Variants in ADCY5 observed in about 807,000 individuals in gnomAD.
The protein encoded by ADCY5 is adenylate cyclase 5, also known as adenylate cyclase type 5.
A neutral mutation model predicts 119.7 loss-of-function variants in ADCY5; 30 were observed. That is an observed-to-expected ratio of 0.25 (90% CI 0.19 to 0.34). ADCY5 has a LOEUF of 0.34. Ranked by LOEUF, ADCY5 falls within the 10% of genes least tolerant of loss-of-function variation. The probability of loss-of-function intolerance (pLI) is 1.00; values close to 1 mark genes in which losing one functional copy is unlikely to be tolerated. For synonymous variants in ADCY5, 753 were observed against 762.2 expected (o/e 0.99, Z 0.20); for missense variants, 1,324 against 1,775.2 (o/e 0.75, Z 4.57).
intron 14 of ADCY5, among the ~76,000 whole-genome samples, chr3:123,301,217 G>A (rs1939828447): frequency 6.6e-6 from 1 of 152,150 alleles, no homozygotes; most frequent in Non-Finnish European, 1.5e-5. Flanking sequence ...CGTTGTTTCT[G>A]AGTCAGGCTT....
At chr3:123,350,837 A>G (rs1043682039) in intron 2 of ADCY5, among the ~76,000 whole-genome samples, 4 of 152,288 alleles carry the variant, frequency 2.6e-5, no homozygotes, top group African/African-American at 9.6e-5. Context: ...ATTCCCCTGG[A>G]GAAGTGAGAG....
intron 17 of ADCY5, among the ~76,000 whole-genome samples, chr3:123,293,111 G>A (rs1038919012): frequency 1.3e-5 from 2 of 152,250 alleles, no homozygotes; most frequent in Admixed American, 6.5e-5. Context: ...AGGGCAGGAA[G>A]GTTCGGGGGG....
At chr3:123,386,990 T>TG (rs1000437314) in intron 1 of ADCY5, among the ~76,000 whole-genome samples, 2 of 152,206 alleles carry the variant, frequency 1.3e-5, no homozygotes, top group African/African-American at 4.8e-5. Context: ...AAGAAAGTGC[T>TG]GGACCTTCAA....
intron 1 of ADCY5, among the ~76,000 whole-genome samples, chr3:123,410,620 G>A (rs1269179622): frequency 3.3e-5 from 5 of 152,180 alleles, no homozygotes; most frequent in African/African-American, 4.8e-5. Flanking sequence ...AACAATGGCA[G>A]CTCTTAGATT....
At chr3:123,344,242 A>G (rs943052429) in intron 3 of ADCY5, among the ~76,000 whole-genome samples, 1 of 152,202 alleles carries the variant, frequency 6.6e-6, no homozygotes, top group Non-Finnish European at 1.5e-5. Context: ...CAGTGGGGCT[A>G]GAGAACAGCA....
At chr3:123,394,144 A>G (rs1944477357) in intron 1 of ADCY5, among the ~76,000 whole-genome samples, 1 of 152,176 alleles carries the variant, frequency 6.6e-6, no homozygotes, top group South Asian at 2.1e-4. Flanking sequence ...AAAAAAAGTT[A>G]GTGACATTTT....
chr3:123,375,330 GACAA>G (rs752016945), intron 1 of ADCY5, among the ~76,000 whole-genome samples: 1 of 152,236 alleles, frequency 6.6e-6, no homozygotes, highest in Non-Finnish European at 1.5e-5. Flanking sequence ...CTCAGTGGAC[GACAA>G]ACAGAGATAA....
chr3:123,378,944 C>T (rs1392099917), intron 1 of ADCY5, among the ~76,000 whole-genome samples: 1 of 152,188 alleles, frequency 6.6e-6, no homozygotes, highest in Non-Finnish European at 1.5e-5. Flanking sequence ...TGGAGAATGT[C>T]ACCTAGAGCC....
chr3:123,399,419 T>C (rs1291989191), intron 1 of ADCY5, among the ~76,000 whole-genome samples: 1 of 152,230 alleles, frequency 6.6e-6, no homozygotes, highest in East Asian at 1.9e-4. Flanking sequence ...AAATGGTCTC[T>C]ACCCACCGAA....
rs34374347 is a variant in ADCY5, at chr3:123,289,466, G to C, written c.3532+284C>G. On this transcript the variant is annotated intron_variant, in intron 19 of 20. Transcript: ENST00000462833. ...GCCTGGGTCCCACCAGGCCGGCCCT[G>C]CATCTGAGTGAGGTGGGAACTCACC... Among the ~76,000 whole-genome samples, 621 of 152,372 alleles carry C rather than the reference G, an allele frequency of 4.1e-3. 1 individual carries two copies. The highest frequency in any genetic ancestry group is 6.5e-3 in the Non-Finnish European group (444 of 68,030).
chr3:123,399,168 T>C (rs1944685804), intron 1 of ADCY5, among the ~76,000 whole-genome samples: 1 of 152,244 alleles, frequency 6.6e-6, no homozygotes, highest in Admixed American at 6.5e-5. Context: ...GTTCCATAGA[T>C]ACCAGATTCC....
chr3:123,346,409 C>T (rs952512871), intron 3 of ADCY5, among the ~76,000 whole-genome samples: 1 of 152,158 alleles, frequency 6.6e-6, no homozygotes, highest in Non-Finnish European at 1.5e-5. Flanking sequence ...TTGGGAGACC[C>T]CCAAAACTGG....
rs776570997 is a variant in ADCY5, at chr3:123,291,267, C to A, written c.3173G>T (p.Arg1058Leu). 2.0e-5 allele frequency: 33 copies of A among 1,613,992 alleles called. No homozygotes were observed. Among genetic ancestry groups the A allele is most frequent in the Non-Finnish European group, 2.8e-5 (33 of 1,180,042 alleles). ...VAAHFLARER[R>L]NDELYYQSCE... The stretch of plus-strand genomic sequence containing the variant: ...GGACTGATAGTAGAGCTCATCATTG[C>A]GCCGCTCGCGGGCCAGGAAGTGAGC... Residue 1058 changes from arginine (R) to leucine (L), a missense_variant, in exon 18 of 21, where the codon CGC (arginine) becomes CTC (leucine). Physicochemically the swap from Arg to Leu is moderately radical, Grantham distance 102. This residue lies in a region of ADCY5 where 178 missense variants were observed against 329.6 expected (regional missense o/e 0.54). Transcript: ENST00000462833.
chr3:123,373,408 A>G (rs1943702474), intron 1 of ADCY5, among the ~76,000 whole-genome samples: 1 of 152,198 alleles, frequency 6.6e-6, no homozygotes, highest in Non-Finnish European at 1.5e-5. Context: ...TACCAGAGGG[A>G]TGGAGAACTC....
At chr3:123,335,878 A>C (rs1229319195) in intron 3 of ADCY5, among the ~76,000 whole-genome samples, 1 of 152,188 alleles carries the variant, frequency 6.6e-6, no homozygotes. Flanking sequence ...TCAATAGAAC[A>C]ACCAAGGCAA....
chr3:123,284,423 C>CA lies in ADCY5; in HGVS notation c.*184_*185insT. The CA allele has an allele frequency of 1.1e-6, 1 of 904,088 alleles. No individual in the cohort carries two copies. Among genetic ancestry groups the CA allele is most frequent in the South Asian group, 1.8e-5 (1 of 56,798 alleles). The allele number at this position is 904,088 out of a possible 1,614,324, so 56.0% of individuals were successfully genotyped here. On this transcript the variant is annotated 3_prime_UTR_variant, in exon 21 of 21. Coordinates refer to ENST00000462833, the MANE Select transcript of ADCY5 (RefSeq NM_183357.3). The stretch of plus-strand genomic sequence containing the variant: ...GGGTGCTCGCAGGACGCTGGCACCC[C>CA]GGGGCCTGGGACAGAGGCCGCTGCC...
At chr3:123,287,014 C>T (rs746542229) in intron 19 of ADCY5, 15 of 620,862 alleles carry the variant, frequency 2.4e-5, no homozygotes, top group Admixed American at 3.6e-5. Context: ...GGAGCCTGCA[C>T]CTGTGTCCTC....
At chr3:123,320,419 C>T (rs1253505614) in intron 9 of ADCY5, among the ~76,000 whole-genome samples, 3 of 152,244 alleles carry the variant, frequency 2.0e-5, no homozygotes, top group Non-Finnish European at 4.4e-5. Context: ...TGCCTCGGGG[C>T]ACTGGATGCC....
intron 11 of ADCY5, among the ~76,000 whole-genome samples, chr3:123,314,876 C>T (rs1305370671): frequency 1.3e-5 from 2 of 149,870 alleles, no homozygotes; most frequent in South Asian, 4.1e-4. Flanking sequence ...AATCTCTAAG[C>T]GCCACCCCCT....
Sources: gnomAD v4.1 joint callset for allele counts (sites outside exome capture counted in the v4.1 genomes callset) on GRCh38, gnomAD v4.1.1 for gene constraint, gnomAD v4.1.1 regional missense constraint, MANE v1.5 for transcripts, NCBI Gene and HGNC (gene_info 2026-07-23, HGNC 2026-07-21) for gene names.